ZZZ3: variants seen among roughly 807,000 people sequenced by gnomAD.
ZZZ3 encodes zinc finger ZZ-type containing 3.
In ZZZ3, 22 loss-of-function variants were observed where a neutral mutation model predicts 95.2. The observed-to-expected ratio is 0.23, with a 90% confidence interval of 0.17 to 0.33. The LOEUF (loss-of-function observed/expected upper bound fraction) is 0.33. Among genes scored for constraint, ZZZ3 ranks in the 10% least tolerant of loss-of-function variants. The probability of loss-of-function intolerance (pLI) is 1.00; values close to 1 mark genes in which losing one functional copy is unlikely to be tolerated. For synonymous variants in ZZZ3, 335 were observed against 358.9 expected (o/e 0.93, Z 0.75); for missense variants, 885 against 1,066.5 (o/e 0.83, Z 2.37).
intron 12 of ZZZ3, among the ~76,000 whole-genome samples, chr1:77,572,797 A>G (rs567413150): frequency 6.6e-6 from 1 of 150,574 alleles, no homozygotes; most frequent in Non-Finnish European, 1.5e-5. Context: ...CCACCATGCC[A>G]GGCTGATAAT....
At position 77,576,096 on chromosome 1, in the gene ZZZ3, T is replaced by C. The variant is rs767755526; in HGVS notation, c.2303A>G (p.His768Arg). The C allele has an allele frequency of 2.5e-6, 4 of 1,611,448 alleles. No homozygotes were observed. The highest frequency in any genetic ancestry group is 3.4e-6 in the Non-Finnish European group (4 of 1,179,296). Residue 768 changes from histidine to arginine, a missense_variant, in exon 12 of 15, where the codon CAC (histidine) becomes CGC (arginine). This residue lies in a region of ZZZ3 where 221 missense variants were observed against 247.8 expected (regional missense o/e 0.89). Transcript: ENST00000370801. The stretch of plus-strand genomic sequence containing the variant: ...TGCATCTTCAACAGCAGTGTTCATG[T>C]GGCTATGAAAACAAGATCGGTCATC... ...EDDDRSCFHS[H>R]MNTAVEDASD... is the part of the protein sequence containing the mutation.
At chr1:77,673,858 G>C (rs1672009123) in intron 1 of ZZZ3, among the ~76,000 whole-genome samples, 1 of 151,786 alleles carries the variant, frequency 6.6e-6, no homozygotes, top group Non-Finnish European at 1.5e-5. Flanking sequence ...AATAACTGAA[G>C]ATACTACATG....
chr1:77,628,820 C>T (rs189808059), intron 5 of ZZZ3, among the ~76,000 whole-genome samples: 27 of 152,296 alleles, frequency 1.8e-4, no homozygotes, highest in Admixed American at 5.9e-4. Context: ...AGTATTCATT[C>T]CCTACTGGTA....
At chr1:77,683,048 C>G (rs1672948431), upstream of ZZZ3, among the ~76,000 whole-genome samples, 1 of 142,486 alleles carries the variant, frequency 7.0e-6, no homozygotes, top group South Asian at 2.3e-4. Context: ...CCCCTTTCGC[C>G]CGCGCACACG....
chr1:77,584,210 G>A lies in ZZZ3; in HGVS notation c.1644+307C>T, dbSNP rs1662831978. ...ATTAATCCCTAAGTCCTGAAACAGAGGAGGAAAAATACTCAAAGAAGGGGA... is the reference window on the plus strand; with the variant it reads ...ATTAATCCCTAAGTCCTGAAACAGAAGAGGAAAAATACTCAAAGAAGGGGA... On this transcript the variant is annotated intron_variant, in intron 6 of 14. Transcript: ENST00000370801. Among the ~76,000 whole-genome samples, 3 of 151,936 alleles carry A rather than the reference G, an allele frequency of 2.0e-5. No individual in the cohort carries two copies. The South Asian group carries it at 6.2e-4, about 32-fold the overall frequency.
chr1:77,618,080 A>G (rs1240160017), intron 5 of ZZZ3, among the ~76,000 whole-genome samples: 1 of 152,140 alleles, frequency 6.6e-6, no homozygotes, highest in Non-Finnish European at 1.5e-5. Context: ...TAGTGTTTCC[A>G]TATCTTATTT....
chr1:77,606,313 G>A (rs551141650), intron 5 of ZZZ3, among the ~76,000 whole-genome samples: 23 of 152,182 alleles, frequency 1.5e-4, no homozygotes, highest in Admixed American at 4.6e-4. Context: ...GTGCTAGCTC[G>A]GCTGCAGGAG....
chr1:77,683,102 CCGTCG>C (rs1310959885), upstream of ZZZ3, among the ~76,000 whole-genome samples: 156 of 145,402 alleles, frequency 1.1e-3, 2 homozygotes, highest in African/African-American at 3.7e-3. Context: ...GCCGTCGCAG[CCGTCG>C]CAGCCGTCGC....
At chr1:77,681,832 G>A (rs1181430418) in intron 1 of ZZZ3, among the ~76,000 whole-genome samples, 2 of 150,536 alleles carry the variant, frequency 1.3e-5, no homozygotes, top group Admixed American at 6.6e-5. Flanking sequence ...CCGGGAGGCG[G>A]AGGTTGCAAT....
At chr1:77,670,397 A>G (rs1287898192) in intron 1 of ZZZ3, among the ~76,000 whole-genome samples, 1 of 151,848 alleles carries the variant, frequency 6.6e-6, no homozygotes, top group African/African-American at 2.4e-5. Context: ...AGTAGCTGGG[A>G]CTACAGGCAC....
At position 77,565,747 on chromosome 1, in the gene ZZZ3, A is replaced by C; in HGVS notation, c.2605T>G (p.Leu869Val). 6.2e-7 allele frequency: 1 copy of C among 1,613,696 alleles called. No homozygotes were observed. The highest frequency in any genetic ancestry group is 8.5e-7 in the Non-Finnish European group (1 of 1,179,724). ...GTCTCTGACCTATAAATAGGTTCTA[A>C]TTGGTGATCTTCCTTGTGAATATCT... is the stretch of plus-strand genomic sequence containing the variant. ...ETDIHKEDHQ[L>V]EPIYRSETFL... is the part of the protein sequence containing the mutation. Residue 869 changes from leucine to valine, a missense_variant, in exon 15 of 15, where the codon TTA (leucine) becomes GTA (valine). This residue lies in a region of ZZZ3 where 221 missense variants were observed against 247.8 expected (regional missense o/e 0.89). Coordinates refer to ENST00000370801, the MANE Select transcript of ZZZ3 (RefSeq NM_015534.6).
chr1:77,567,200 A>G (rs1476572728), intron 13 of ZZZ3, among the ~76,000 whole-genome samples: 1 of 152,188 alleles, frequency 6.6e-6, no homozygotes, highest in African/African-American at 2.4e-5. Context: ...CTCCAGTCCA[A>G]CCAAGTCAAT....
At chr1:77,651,887 T>C (rs1272267239) in intron 1 of ZZZ3, among the ~76,000 whole-genome samples, 1 of 151,788 alleles carries the variant, frequency 6.6e-6, no homozygotes, top group African/African-American at 2.4e-5. Flanking sequence ...CGTGGTGGCG[T>C]GCATCTGTAG....
At position 77,635,122 on chromosome 1, in the gene ZZZ3, A is replaced by G. The variant is rs537429400; in HGVS notation, c.-51-1717T>C. Among the ~76,000 whole-genome samples, 6 of 152,340 alleles carry G rather than the reference A, an allele frequency of 3.9e-5. No individual in the cohort carries two copies. The South Asian group carries it at 1.0e-3, about 26-fold the overall frequency. On this transcript the variant is annotated intron_variant, in intron 4 of 14. Coordinates refer to ENST00000370801, the MANE Select transcript of ZZZ3 (RefSeq NM_015534.6). ...GGAAAGTTTGGAAGAATTATAGAAG[A>G]CACAGCAACATGCTACCACATATAA...
At chr1:77,584,424 A>G in intron 6 of ZZZ3, 93 bp downstream of exon 6, 1 of 1,267,958 alleles carries the variant, frequency 7.9e-7, no homozygotes, top group Non-Finnish European at 1.0e-6. Context: ...AAACATTTTA[A>G]AAAGTATATA....
At chr1:77,601,264 T>C (rs1307522750) in intron 5 of ZZZ3, among the ~76,000 whole-genome samples, 1 of 152,108 alleles carries the variant, frequency 6.6e-6, no homozygotes, top group Non-Finnish European at 1.5e-5. Context: ...TAATGAAGAA[T>C]CTAAGGTAAA....
At chr1:77,581,130 C>A in intron 8 of ZZZ3, 61 bp from the exon 9 acceptor site, 1 of 1,234,758 alleles carries the variant, frequency 8.1e-7, no homozygotes, top group Non-Finnish European at 1.2e-6. Context: ...TTTGATATAG[C>A]CAAATAACAC....
intron 5 of ZZZ3, among the ~76,000 whole-genome samples, chr1:77,614,602 G>T (rs1376708068): frequency 1.3e-5 from 2 of 151,974 alleles, no homozygotes; most frequent in Non-Finnish European, 1.5e-5. Flanking sequence ...AACATGAAAA[G>T]AAATAAAGTT....
chr1:77,590,301 G>A (rs1663553465), intron 5 of ZZZ3, among the ~76,000 whole-genome samples: 1 of 152,202 alleles, frequency 6.6e-6, no homozygotes, highest in Admixed American at 6.5e-5. Flanking sequence ...TTGAACCCGG[G>A]AGGTAGAGGT....
Sources: allele counts gnomAD v4.1 joint callset (sites outside exome capture counted in the v4.1 genomes callset), GRCh38; gene constraint gnomAD v4.1.1; regional missense constraint gnomAD v4.1.1; transcripts MANE v1.5; gene names NCBI Gene and HGNC (gene_info 2026-07-23, HGNC 2026-07-21).